The following SLC6A12 variants were observed in gnomAD, a reference collection of about 807,000 sequenced individuals.
SLC6A12 encodes sodium- and chloride-dependent betaine transporter.
SLC6A12 carries 50 observed loss-of-function variants against 73.3 expected under a neutral mutation model. That is an observed-to-expected ratio of 0.68 (90% CI 0.54 to 0.86). The LOEUF is 0.86. Among genes scored for constraint, SLC6A12 ranks in the 40% least tolerant of loss-of-function variants. SLC6A12 has a pLI of 0.00. For synonymous variants in SLC6A12, 304 were observed against 309.2 expected (o/e 0.98, Z 0.18); for missense variants, 648 against 772.8 (o/e 0.84, Z 1.92).
chr12:202,874 C>CCAATGCATCTCCCCCA lies in SLC6A12; in HGVS notation c.355_356insTGGGGGAGATGCATTG (p.Gly119ValfsTer38). On this transcript the variant is annotated frameshift_variant, in exon 5 of 16. Coordinates refer to ENST00000684302, the MANE Select transcript of SLC6A12 (RefSeq NM_001122848.3). LOFTEE classifies it high-confidence loss of function. Reference sequence around the variant, plus strand: ...TGACTCGATGACCACAGATGCCAGACCAATGCCTTCCAGAGTGGGGGAGAG... The same window carrying CCAATGCATCTCCCCCA: ...TGACTCGATGACCACAGATGCCAGACCAATGCATCTCCCCCACAATGCCTTCCAGAGTGGGGGAGAG... The CCAATGCATCTCCCCCA allele has an allele frequency of 6.2e-7, 1 of 1,613,692 alleles. No homozygotes were observed. Among genetic ancestry groups the CCAATGCATCTCCCCCA allele is most frequent in the South Asian group, 1.1e-5 (1 of 91,010 alleles).
rs1751122960 is a variant in SLC6A12 at position 190,994 on chromosome 12, G to T, written c.*74C>A. The T allele has an allele frequency of 1.7e-6, 2 of 1,188,792 alleles. No homozygotes were observed. The highest frequency in any genetic ancestry group is 2.1e-6 in the Non-Finnish European group (2 of 935,838). The allele number at this position is 1,188,792 out of a possible 1,614,324, so 73.6% of individuals were successfully genotyped here. On this transcript the variant is annotated 3_prime_UTR_variant, in exon 16 of 16. Coordinates refer to ENST00000684302, the MANE Select transcript of SLC6A12 (RefSeq NM_001122848.3). ...ATTGTGGCAGGAGACAGAGGCAGAG[G>T]CTGTCCGCTGAGAATGGAGGGTGGC...
intron 4 of SLC6A12, chr12:204,360 G>A: frequency 1.7e-6 from 1 of 588,782 alleles, no homozygotes; most frequent in Non-Finnish European, 3.0e-6. Context: ...CACCATCAGT[G>A]CTAAGGGTCC....
chr12:185,939 A>G (rs142199421), downstream of SLC6A12, among the ~76,000 whole-genome samples: 220 of 152,320 alleles, frequency 1.4e-3, no homozygotes, highest in African/African-American at 5.1e-3. Context: ...GTTAGATCCA[A>G]TCAGCCCTTG....
At chr12:201,668 C>T in intron 6 of SLC6A12, 94 bp downstream of exon 6, 1 of 994,468 alleles carries the variant, frequency 1.0e-6, no homozygotes, top group Non-Finnish European at 1.6e-6. Flanking sequence ...AAAGCACACA[C>T]AGAATCTTAA....
intron 9 of SLC6A12, 27 bp downstream of exon 9, chr12:197,873 C>CCCCACCCCCG: frequency 1.4e-6 from 2 of 1,399,814 alleles, no homozygotes; most frequent in Non-Finnish European, 2.0e-6. Context: ...CCCTCCTTCA[C>CCCCACCCCCG]CCCACCCCGG....
Position 192,016 on chromosome 12 carries a change from C to G in SLC6A12, c.1701+462G>C, listed in dbSNP as rs559514931. On this transcript the variant is annotated intron_variant, in intron 15 of 15. Transcript: ENST00000684302. ...ATAGCTCCTTCCAGGAGGATATGTC[C>G]CAAACTCTAGACAGGGAGCCTCTTG... is the stretch of plus-strand genomic sequence containing the variant. Among the ~76,000 whole-genome samples, 21 of 152,292 alleles carry G rather than the reference C, an allele frequency of 1.4e-4. No individual in the cohort carries two copies. In the South Asian group the frequency reaches 3.5e-3, roughly 26 times the overall value.
chr12:208,457 C>T (rs932741005), intron 3 of SLC6A12, among the ~76,000 whole-genome samples: 1 of 152,174 alleles, frequency 6.6e-6, no homozygotes, highest in Non-Finnish European at 1.5e-5. Flanking sequence ...GGAGGATTTT[C>T]TCAACAAATT....
downstream of SLC6A12, among the ~76,000 whole-genome samples, chr12:187,534 A>C (rs547889344): frequency 7.0e-6 from 1 of 142,756 alleles, no homozygotes; most frequent in Admixed American, 7.3e-5. Flanking sequence ...GTTACACCTC[A>C]TAAAGGCAGA....
At chr12:197,780 G>C in intron 9 of SLC6A12, 120 bp downstream of exon 9, 1 of 727,646 alleles carries the variant, frequency 1.4e-6, no homozygotes, top group Non-Finnish European at 2.3e-6. Flanking sequence ...CATAAGTTCA[G>C]TCTGATACAA....
chr12:195,372 G>A, intron 12 of SLC6A12, 45 bp from the exon 13 acceptor site: 3 of 1,260,650 alleles, frequency 2.4e-6, no homozygotes, highest in Non-Finnish European at 3.5e-6. Flanking sequence ...TGCAGAGCTG[G>A]GACACACTCC....
At chr12:204,153 A>G (rs1940489555) in intron 4 of SLC6A12, 1 of 213,308 alleles carries the variant, frequency 4.7e-6, no homozygotes, top group Non-Finnish European at 9.5e-6. Flanking sequence ...CATTTACACG[A>G]CTGCTGGGGT....
chr12:184,615 T>C, the SLC6A12 span, among the ~76,000 whole-genome samples: 8 of 152,172 alleles, frequency 5.3e-5, no homozygotes, highest in African/African-American at 1.4e-4. Context: ...CCGGGCGTGG[T>C]GGCGGGCGCC....
intron 2 of SLC6A12, 156 bp from the exon 3 acceptor site, chr12:210,199 G>A: frequency 8.3e-7 from 1 of 1,199,162 alleles, no homozygotes; most frequent in African/African-American, 1.5e-5. Flanking sequence ...AACTGTAAGA[G>A]CAAACCTTAG....
At chr12:188,262 C>T (rs1224299574), downstream of SLC6A12, among the ~76,000 whole-genome samples, 1 of 152,222 alleles carries the variant, frequency 6.6e-6, no homozygotes, top group Non-Finnish European at 1.5e-5. Flanking sequence ...AGCCCTGCCC[C>T]ACGGGAAGGC....
intron 3 of SLC6A12, among the ~76,000 whole-genome samples, chr12:208,097 G>C (rs148011241): frequency 6.6e-6 from 1 of 152,168 alleles, no homozygotes; most frequent in African/African-American, 2.4e-5. Flanking sequence ...CCGTGACGCA[G>C]AAATGGTTCC....
chr12:185,717 G>C (rs1177218579), downstream of SLC6A12, among the ~76,000 whole-genome samples: 1 of 152,192 alleles, frequency 6.6e-6, no homozygotes, highest in African/African-American at 2.4e-5. Flanking sequence ...CGTGCCAGCA[G>C]GTTCCTCAGA....
At chr12:202,597 G>C (rs568998109) in intron 5 of SLC6A12, 143 bp downstream of exon 5, 1 of 752,466 alleles carries the variant, frequency 1.3e-6, no homozygotes, top group South Asian at 2.2e-5. Flanking sequence ...AGGAGCCAAG[G>C]AGCAGAGCTG....
At chr12:202,334 T>C (rs1237953706) in intron 5 of SLC6A12, among the ~76,000 whole-genome samples, 4 of 152,164 alleles carry the variant, frequency 2.6e-5, no homozygotes, top group Admixed American at 6.5e-5. Flanking sequence ...CAATTTGTAG[T>C]GGTTGTGTTT....
chr12:193,338 C>G lies in SLC6A12; in HGVS notation c.1469G>C (p.Gly490Ala). 1.2e-6 allele frequency: 2 copies of G among 1,614,032 alleles called. No homozygotes were observed. The highest frequency in any genetic ancestry group is 1.7e-6 in the Non-Finnish European group (2 of 1,179,950). ...CTTCACCAGGGGCCATGGCCGGTAGCCAATCATGTCCTCAATGTTGTCATA... is the reference window on the plus strand; with the variant it reads ...CTTCACCAGGGGCCATGGCCGGTAGGCAATCATGTCCTCAATGTTGTCATA... Reference protein sequence around the residue: ...RFYDNIEDMIGYRPWPLVKIS... With the variant: ...RFYDNIEDMIAYRPWPLVKIS... Residue 490 changes from glycine (G) to alanine (A), a missense_variant, in exon 14 of 16, where the codon GGC (glycine) becomes GCC (alanine). Gly to Ala is a moderately conservative substitution (Grantham distance 60, BLOSUM62 0). Transcript: ENST00000684302.
Sources: allele counts gnomAD v4.1 joint callset (sites outside exome capture counted in the v4.1 genomes callset), GRCh38; gene constraint gnomAD v4.1.1; transcripts MANE v1.5; gene names NCBI Gene and HGNC (gene_info 2026-07-23, HGNC 2026-07-21).